The following PCCB variants were observed in gnomAD, a reference collection of about 807,000 sequenced individuals.
PCCB encodes the protein propionyl-CoA carboxylase subunit beta, also known as propionyl-CoA carboxylase beta chain, mitochondrial.
PCCB carries 43 observed loss-of-function variants against 60.7 expected under a neutral mutation model. The ratio of observed to expected loss-of-function variants is 0.71; its 90% CI spans 0.55 to 0.91. The LOEUF (loss-of-function observed/expected upper bound fraction) is 0.91. Ranked by LOEUF, PCCB falls within the 40% of genes least tolerant of loss-of-function variation. The pLI is 0.00. For missense variants in PCCB, 766 were observed against 702.8 expected, an observed-to-expected ratio of 1.09 and a Z score of -1.02; for synonymous variants, 276 against 255.9, an observed-to-expected ratio of 1.08 and a Z score of -0.75.
chr3:136,263,107 A>G (rs1426161686), intron 5 of PCCB, among the ~76,000 whole-genome samples: 3 of 151,592 alleles, frequency 2.0e-5, no homozygotes, highest in Admixed American at 6.6e-5. Flanking sequence ...GGCGTCTGCC[A>G]CCACGCCCAG....
At chr3:136,294,471 C>G (rs944710453) in intron 7 of PCCB, among the ~76,000 whole-genome samples, 2 of 151,962 alleles carry the variant, frequency 1.3e-5, no homozygotes, top group South Asian at 2.1e-4. Flanking sequence ...ACCACCACAC[C>G]CAGCAAATTT....
intron 9 of PCCB, among the ~76,000 whole-genome samples, chr3:136,312,849 A>C (rs899448252): frequency 6.6e-6 from 1 of 152,216 alleles, no homozygotes; most frequent in Admixed American, 6.5e-5. Context: ...TCTTGGCAGC[A>C]TGTATCCCAG....
At chr3:136,302,939 C>T (rs1160362287) in intron 9 of PCCB, among the ~76,000 whole-genome samples, 1 of 121,360 alleles carries the variant, frequency 8.2e-6, no homozygotes, top group Admixed American at 9.8e-5. Flanking sequence ...AAAAAATTTG[C>T]TGGGTGAGGT....
At chr3:136,251,061 T>A (rs1330293183) in intron 1 of PCCB, among the ~76,000 whole-genome samples, 1 of 152,180 alleles carries the variant, frequency 6.6e-6, no homozygotes, top group Non-Finnish European at 1.5e-5. Context: ...CAGGAACTTG[T>A]GGAACTTCTG....
intron 1 of PCCB, among the ~76,000 whole-genome samples, chr3:136,254,697 T>TA (rs1384365766): frequency 6.6e-6 from 1 of 151,150 alleles, no homozygotes; most frequent in Non-Finnish European, 1.5e-5. Flanking sequence ...CACTCCCAGC[T>TA]AATTTTTGTA....
At chr3:136,251,756 C>T (rs1478886046) in intron 1 of PCCB, among the ~76,000 whole-genome samples, 1 of 152,196 alleles carries the variant, frequency 6.6e-6, no homozygotes, top group African/African-American at 2.4e-5. Context: ...TTCCCTGGAA[C>T]ATCGCCTAGC....
chr3:136,260,516 A>G lies in PCCB; in HGVS notation c.410A>G (p.His137Arg), dbSNP rs1391142709. ...TVFGGSLSGA[H>R]AQKICKIMDQ... ...TTTGGAGGCAGTCTGTCAGGAGCAC[A>G]TGCCCAAAAGATCTGCAAAGTAAGT... Residue 137 changes from histidine (H) to arginine (R), a missense_variant, in exon 4 of 15, where the codon CAT becomes CGT. Transcript: ENST00000251654. 2.5e-6 allele frequency: 4 copies of G among 1,613,626 alleles called. No homozygotes were observed. The highest frequency in any genetic ancestry group is 3.4e-6 in the Non-Finnish European group (4 of 1,179,582).
chr3:136,250,947 T>C (rs1026493915), intron 1 of PCCB, among the ~76,000 whole-genome samples: 1 of 152,204 alleles, frequency 6.6e-6, no homozygotes, highest in Admixed American at 6.5e-5. Context: ...GTGCTTATTC[T>C]CGTGCCCCAT....
chr3:136,316,394 C>T (rs1241844108), intron 9 of PCCB, among the ~76,000 whole-genome samples: 4 of 152,068 alleles, frequency 2.6e-5, no homozygotes, highest in African/African-American at 9.7e-5. Context: ...TGGCTTGCTG[C>T]AACCTCTGCC....
chr3:136,300,945 AC>A lies in PCCB; in HGVS notation c.885-81del, dbSNP rs1934248930. 3.2e-6 allele frequency: 3 copies of A among 942,946 alleles called. No homozygotes were observed. The African/African-American group carries it at 4.8e-5, about 15-fold the overall frequency. The allele number at this position is 942,946 out of a possible 1,614,324, so 58.4% of individuals were successfully genotyped here. Reference sequence around the variant, plus strand: ...ACTGGCCCAGTCCCTATGACGTGTCACCCCATTTCCTTTCCCACCCCATTCC... The same window carrying A: ...ACTGGCCCAGTCCCTATGACGTGTCACCCATTTCCTTTCCCACCCCATTCC... On this transcript the variant is annotated intron_variant, in intron 8 of 14. Coordinates refer to ENST00000251654, the MANE Select transcript of PCCB (RefSeq NM_000532.5).
In PCCB at chr3:136,317,018, T is replaced by C. The variant is rs2108226669; in HGVS notation, c.1044T>C (p.Asn348=). 2 of 1,613,950 alleles carry C rather than the reference T, an allele frequency of 1.2e-6. No homozygotes were observed. Among genetic ancestry groups the C allele is most frequent in the South Asian group, 1.1e-5 (1 of 91,078 alleles). ...TCATTGTTGGTTTTGCAAGAATGAA[T>C]GGGAGGACTGTTGGAATTGTTGGCA... The part of the protein sequence containing the change: ...KNIIVGFARM[N]GRTVGIVGNQ... The change falls in exon 10 of 15, where the codon AAT becomes AAC. Residue 348 remains asparagine, a synonymous_variant. Coordinates refer to ENST00000251654, the MANE Select transcript of PCCB (RefSeq NM_000532.5).
intron 10 of PCCB, among the ~76,000 whole-genome samples, chr3:136,323,830 A>G (rs1397346705): frequency 6.7e-6 from 1 of 150,282 alleles, no homozygotes; most frequent in Non-Finnish European, 1.5e-5. Flanking sequence ...AAAACCCACT[A>G]GTAGTGTTTT....
intron 6 of PCCB, among the ~76,000 whole-genome samples, chr3:136,290,670 A>AATTTTTTTTTT (rs1560013884): frequency 3.0e-4 from 1 of 3,284 alleles, no homozygotes; most frequent in South Asian, 3.6e-3. Flanking sequence ...TTCTCTGTGT[A>AATTTTTTTTTT]GTTTTTTTTT....
intron 6 of PCCB, among the ~76,000 whole-genome samples, chr3:136,291,446 T>C (rs1457247804): frequency 6.6e-6 from 1 of 152,210 alleles, no homozygotes; most frequent in Non-Finnish European, 1.5e-5. Flanking sequence ...AAAGGAACTA[T>C]TGTAAATAGG....
At chr3:136,316,429 C>T (rs1934897594) in intron 9 of PCCB, among the ~76,000 whole-genome samples, 2 of 152,026 alleles carry the variant, frequency 1.3e-5, no homozygotes, top group South Asian at 4.1e-4. Context: ...ATTCTCCTGC[C>T]TCAGTCTCCT....
intron 6 of PCCB, among the ~76,000 whole-genome samples, chr3:136,284,614 C>G (rs578227760): frequency 3.9e-5 from 6 of 152,134 alleles, no homozygotes; most frequent in Middle Eastern, 3.4e-3. Context: ...AGCCATCCAA[C>G]TTGAGGAGAG....
At chr3:136,318,882 A>AT (rs1935008917) in intron 10 of PCCB, among the ~76,000 whole-genome samples, 1 of 152,188 alleles carries the variant, frequency 6.6e-6, no homozygotes, top group Admixed American at 6.5e-5. Context: ...ACATTGATAT[A>AT]TAAGTATCTG....
At chr3:136,320,087 GT>G (rs1455425418) in intron 10 of PCCB, among the ~76,000 whole-genome samples, 1 of 152,194 alleles carries the variant, frequency 6.6e-6, no homozygotes, top group East Asian at 1.9e-4. Flanking sequence ...GTGTCACACT[GT>G]TTTGATTACT....
chr3:136,250,395 T>G lies in PCCB; in HGVS notation c.20T>G (p.Val7Gly), dbSNP rs753174948. 1 of 1,536,774 alleles carries G rather than the reference T, an allele frequency of 6.5e-7. No individual in the cohort carries two copies. The highest frequency in any genetic ancestry group is 8.8e-7 in the Non-Finnish European group (1 of 1,137,680). Residue 7 changes from valine to glycine, a missense_variant, in exon 1 of 15, where the codon GTG becomes GGG. Physicochemically the swap from Val to Gly is moderately radical, Grantham distance 109. Coordinates refer to ENST00000251654, the MANE Select transcript of PCCB (RefSeq NM_000532.5). MAAALR[V>G]AAVGARLSVL... is the part of the protein sequence containing the mutation. Reference sequence around the variant, plus strand: ...GCAAAAATGGCGGCGGCATTACGGGTGGCGGCGGTCGGGGCAAGGCTCAGC... The same window carrying G: ...GCAAAAATGGCGGCGGCATTACGGGGGGCGGCGGTCGGGGCAAGGCTCAGC...
Sources: allele counts gnomAD v4.1 joint callset (sites outside exome capture counted in the v4.1 genomes callset), GRCh38; gene constraint gnomAD v4.1.1; transcripts MANE v1.5; gene names NCBI Gene and HGNC (gene_info 2026-07-23, HGNC 2026-07-21).